DTWD2: variants seen among roughly 807,000 people sequenced by gnomAD.
The protein encoded by DTWD2 is tRNA-uridine aminocarboxypropyltransferase 2.
A neutral mutation model predicts 31.8 loss-of-function variants in DTWD2; 39 were observed. The ratio of observed to expected loss-of-function variants is 1.22; its 90% CI spans 0.95 to 1.60. The LOEUF is 1.60. DTWD2 is among the 40% of genes most tolerant of loss of function. DTWD2 has a pLI of 0.00. For synonymous variants in DTWD2, 180 were observed against 142.8 expected, an observed-to-expected ratio of 1.26 and a Z score of -1.86; for missense variants, 515 against 381.5, an observed-to-expected ratio of 1.35 and a Z score of -2.92.
At chr5:118,927,526 A>G (rs1753836044) in intron 4 of DTWD2, among the ~76,000 whole-genome samples, 2 of 152,080 alleles carry the variant, frequency 1.3e-5, no homozygotes, top group East Asian at 1.9e-4. Flanking sequence ...GTGTGTGTCT[A>G]TGTCTGTGTG....
At chr5:118,877,967 C>A (rs527910724) in intron 4 of DTWD2, among the ~76,000 whole-genome samples, 1 of 152,036 alleles carries the variant, frequency 6.6e-6, no homozygotes, top group East Asian at 1.9e-4. Flanking sequence ...AATAAAATAC[C>A]TAGGAATACA....
chr5:118,842,923 G>A (rs1470634166), intron 5 of DTWD2, among the ~76,000 whole-genome samples: 5 of 150,518 alleles, frequency 3.3e-5, no homozygotes, highest in Non-Finnish European at 7.4e-5. Flanking sequence ...CTCCAGCCTT[G>A]GTGACAGAAT....
At chr5:118,970,005 G>A (rs1754946884) in intron 1 of DTWD2, among the ~76,000 whole-genome samples, 1 of 152,142 alleles carries the variant, frequency 6.6e-6, no homozygotes, top group Admixed American at 6.5e-5. Flanking sequence ...TGATGGAGCT[G>A]AAAAACACAA....
intron 1 of DTWD2, among the ~76,000 whole-genome samples, chr5:118,953,942 A>G (rs997499731): frequency 2.6e-5 from 4 of 152,154 alleles, no homozygotes; most frequent in African/African-American, 9.7e-5. Context: ...TTAAAGATTC[A>G]CTTAGACCAG....
intron 4 of DTWD2, among the ~76,000 whole-genome samples, chr5:118,902,250 AT>A (rs1024349903): frequency 6.6e-6 from 1 of 152,188 alleles, no homozygotes; most frequent in Admixed American, 6.5e-5. Context: ...AAAGAAAAAA[AT>A]AAGTCCTTTC....
Position 118,975,945 on chromosome 5 carries a change from CA to C in DTWD2, c.218+12348del, listed in dbSNP as rs536685598. Among the ~76,000 whole-genome samples, 104 of 152,204 alleles carry C rather than the reference CA, an allele frequency of 6.8e-4. 2 individuals are homozygous for C. The highest frequency in any genetic ancestry group is 2.4e-3 in the African/African-American group (98 of 41,540). On this transcript the variant is annotated intron_variant, in intron 1 of 5. Transcript: ENST00000510708. ...CTAAAATTGACCACATAATTAGAAG[CA>C]AAACACTCTTCAGCAAATGCAAAAG...
intron 4 of DTWD2, among the ~76,000 whole-genome samples, chr5:118,878,143 A>T (rs185099285): frequency 1.1e-3 from 160 of 152,330 alleles, no homozygotes; most frequent in African/African-American, 3.8e-3. Context: ...GATTCTTCAC[A>T]GAACTAGAAA....
chr5:118,851,275 T>C (rs1210790080), intron 4 of DTWD2, among the ~76,000 whole-genome samples: 2 of 149,922 alleles, frequency 1.3e-5, no homozygotes, highest in Non-Finnish European at 3.0e-5. Context: ...ACCCCCAATA[T>C]TTCAACATAG....
intron 4 of DTWD2, among the ~76,000 whole-genome samples, chr5:118,875,044 G>A (rs1338478284): frequency 2.0e-5 from 3 of 152,148 alleles, no homozygotes; most frequent in African/African-American, 7.2e-5. Context: ...AGAAGAAATT[G>A]GAGGCCAATA....
At chr5:118,953,212 G>A (rs905427489) in intron 1 of DTWD2, among the ~76,000 whole-genome samples, 3 of 152,172 alleles carry the variant, frequency 2.0e-5, no homozygotes, top group African/African-American at 7.2e-5. Context: ...GTGAGGGGGT[G>A]AAGAATGTAA....
intron 4 of DTWD2, among the ~76,000 whole-genome samples, chr5:118,880,787 C>G (rs1205201298): frequency 6.6e-6 from 1 of 152,104 alleles, no homozygotes; most frequent in Non-Finnish European, 1.5e-5. Context: ...CATCAAAAGT[C>G]ACGGCTAAAC....
At chr5:118,893,529 A>G (rs1203311591) in intron 4 of DTWD2, among the ~76,000 whole-genome samples, 1 of 152,152 alleles carries the variant, frequency 6.6e-6, no homozygotes, top group Admixed American at 6.6e-5. Context: ...ATATAGAAAG[A>G]AATGAGACTT....
At chr5:118,913,822 A>G (rs1241863712) in intron 4 of DTWD2, among the ~76,000 whole-genome samples, 1 of 152,184 alleles carries the variant, frequency 6.6e-6, no homozygotes, top group Non-Finnish European at 1.5e-5. Context: ...AAGCTGTATC[A>G]TATGAAAATA....
At chr5:118,954,881 C>T (rs1754550772) in intron 1 of DTWD2, among the ~76,000 whole-genome samples, 1 of 152,098 alleles carries the variant, frequency 6.6e-6, no homozygotes, top group South Asian at 2.1e-4. Flanking sequence ...TCCTCCTATA[C>T]AATTTTCTAT....
At chr5:118,930,232 G>T (rs1753894114) in intron 3 of DTWD2, among the ~76,000 whole-genome samples, 1 of 152,148 alleles carries the variant, frequency 6.6e-6, no homozygotes, top group South Asian at 2.1e-4. Context: ...TTCCGTTATA[G>T]AGTTAGTTGA....
At chr5:118,935,558 T>C (rs976252683) in intron 3 of DTWD2, among the ~76,000 whole-genome samples, 4 of 152,188 alleles carry the variant, frequency 2.6e-5, no homozygotes, top group Non-Finnish European at 4.4e-5. Context: ...GGAGAAATCC[T>C]CACATATTTG....
At chr5:118,866,411 C>T (rs1284266606) in intron 4 of DTWD2, among the ~76,000 whole-genome samples, 1 of 152,138 alleles carries the variant, frequency 6.6e-6, no homozygotes, top group Non-Finnish European at 1.5e-5. Flanking sequence ...GGGTCAATTA[C>T]ACTCATAATA....
At chr5:118,970,050 C>T (rs1354910945) in intron 1 of DTWD2, among the ~76,000 whole-genome samples, 1 of 152,098 alleles carries the variant, frequency 6.6e-6, no homozygotes, top group Admixed American at 6.5e-5. Flanking sequence ...CAAGTATCAA[C>T]AGCAAAATAG....
intron 4 of DTWD2, among the ~76,000 whole-genome samples, chr5:118,896,678 T>C (rs554179842): frequency 5.3e-5 from 8 of 152,348 alleles, no homozygotes; most frequent in African/African-American, 1.9e-4. Flanking sequence ...AGGGAGTTCA[T>C]TACATCAATT....
Sources: allele counts gnomAD v4.1 joint callset (sites outside exome capture counted in the v4.1 genomes callset), GRCh38; gene constraint gnomAD v4.1.1; transcripts MANE v1.5; gene names NCBI Gene and HGNC (gene_info 2026-07-23, HGNC 2026-07-21).